SLC9A9: variants seen among roughly 807,000 people sequenced by gnomAD.
The protein encoded by SLC9A9 is sodium/hydrogen exchanger 9.
Under a neutral mutation model 77.8 loss-of-function variants are expected in SLC9A9, and 62 were observed. That is an observed-to-expected ratio of 0.80 (90% CI 0.65 to 0.98). The LOEUF (loss-of-function observed/expected upper bound fraction) is 0.98, where lower values mean the gene tolerates loss of function less well. Among genes scored for constraint, SLC9A9 ranks in the 50% least tolerant of loss-of-function variants. SLC9A9 has a pLI of 0.00. For missense variants in SLC9A9, 775 were observed against 774.9 expected, an observed-to-expected ratio of 1.00 and a Z score of 0.00; for synonymous variants, 320 against 283.5, an observed-to-expected ratio of 1.13 and a Z score of -1.29.
intron 13 of SLC9A9, among the ~76,000 whole-genome samples, chr3:143,376,435 C>T (rs2033181971): frequency 1.3e-5 from 2 of 152,208 alleles, no homozygotes; most frequent in African/African-American, 4.8e-5. Context: ...ATTCTTTGAA[C>T]TCCAATTTCA....
intron 14 of SLC9A9, among the ~76,000 whole-genome samples, chr3:143,344,281 TATCC>T (rs1268623708): frequency 3.3e-4 from 50 of 152,326 alleles, no homozygotes; most frequent in African/African-American, 1.2e-3. Context: ...AACAATTCAA[TATCC>T]TGATGCATAT....
chr3:143,562,367 G>T (rs1009105455), intron 8 of SLC9A9, among the ~76,000 whole-genome samples: 3 of 152,128 alleles, frequency 2.0e-5, no homozygotes, highest in African/African-American at 7.2e-5. Context: ...GGGAGTGCAG[G>T]TTCATGGGTA....
At chr3:143,782,239 G>T (rs1391984950) in intron 4 of SLC9A9, among the ~76,000 whole-genome samples, 1 of 152,280 alleles carries the variant, frequency 6.6e-6, no homozygotes, top group African/African-American at 2.4e-5. Context: ...GATTCCTATA[G>T]TCTGTCTGTA....
intron 4 of SLC9A9, among the ~76,000 whole-genome samples, chr3:143,766,556 G>A (rs149471586): frequency 6.6e-6 from 1 of 152,044 alleles, no homozygotes; most frequent in African/African-American, 2.4e-5. Context: ...GCTGTAGGTG[G>A]AGGGTAGGCT....
chr3:143,442,085 G>A (rs758750214), intron 12 of SLC9A9, among the ~76,000 whole-genome samples: 2 of 152,072 alleles, frequency 1.3e-5, no homozygotes, highest in Non-Finnish European at 2.9e-5. Flanking sequence ...AACCATTCTG[G>A]GTGGTTTGGC....
intron 3 of SLC9A9, 29 bp from the exon 4 acceptor site, chr3:143,795,106 G>T: frequency 1.3e-6 from 2 of 1,578,728 alleles, no homozygotes; most frequent in South Asian, 1.1e-5. Flanking sequence ...ATTTAATAGA[G>T]TACATCAGAA....
intron 15 of SLC9A9, 118 bp downstream of exon 15, chr3:143,268,757 A>AAAAAAC (rs1937808091): frequency 1.9e-6 from 1 of 525,304 alleles, no homozygotes; most frequent in Non-Finnish European, 3.5e-6. Context: ...AAAAAAAAAA[A>AAAAAAC]GCTTCCTCCT....
intron 4 of SLC9A9, among the ~76,000 whole-genome samples, chr3:143,722,470 C>T (rs1378892796): frequency 9.8e-4 from 13 of 13,330 alleles, no homozygotes; most frequent in Non-Finnish European, 1.5e-3. Flanking sequence ...GAGACTCCAT[C>T]TCAAAAAAAA....
intron 4 of SLC9A9, among the ~76,000 whole-genome samples, chr3:143,726,469 A>G (rs954735651): frequency 6.6e-6 from 1 of 152,194 alleles, no homozygotes. Context: ...ATACCTCAAT[A>G]AAGTTTGTTT....
intron 13 of SLC9A9, among the ~76,000 whole-genome samples, chr3:143,376,399 A>G (rs1022835381): frequency 9.2e-5 from 14 of 152,228 alleles, no homozygotes; most frequent in African/African-American, 3.4e-4. Context: ...TCAGCCCATC[A>G]CTGGTTTGTT....
At chr3:143,632,491 C>G (rs1480771503) in intron 6 of SLC9A9, among the ~76,000 whole-genome samples, 1 of 152,064 alleles carries the variant, frequency 6.6e-6, no homozygotes, top group Non-Finnish European at 1.5e-5. Flanking sequence ...ACCTACTGAC[C>G]CCGTCACTTC....
chr3:143,637,586 G>T (rs1375890671), intron 6 of SLC9A9, among the ~76,000 whole-genome samples: 2 of 152,054 alleles, frequency 1.3e-5, no homozygotes, highest in Non-Finnish European at 2.9e-5. Context: ...TATGCTTTGG[G>T]CTTTAGTTTT....
chr3:143,583,578 A>G (rs1337432926), intron 6 of SLC9A9, among the ~76,000 whole-genome samples: 1 of 152,232 alleles, frequency 6.6e-6, no homozygotes, highest in African/African-American at 2.4e-5. Flanking sequence ...TGCCTATGTG[A>G]ACTTGAGCAA....
intron 9 of SLC9A9, chr3:143,504,144 C>T (rs930322354): frequency 3.5e-5 from 15 of 429,436 alleles, no homozygotes; most frequent in South Asian, 2.9e-4. Context: ...ACATGTAGGC[C>T]ATGCAGTTGA....
chr3:143,620,999 C>T (rs934473541), intron 6 of SLC9A9, among the ~76,000 whole-genome samples: 1 of 152,178 alleles, frequency 6.6e-6, no homozygotes, highest in South Asian at 2.1e-4. Context: ...GTCCTATGCC[C>T]ATGGAGCCTC....
At chr3:143,578,174 G>A (rs2108662498) in intron 7 of SLC9A9, among the ~76,000 whole-genome samples, 1 of 152,290 alleles carries the variant, frequency 6.6e-6, no homozygotes, top group South Asian at 2.1e-4. Flanking sequence ...GAATAAGCCT[G>A]AAAAAGAGGC....
chr3:143,280,959 C>A (rs1009959149), intron 14 of SLC9A9, among the ~76,000 whole-genome samples: 2 of 152,190 alleles, frequency 1.3e-5, no homozygotes, highest in Non-Finnish European at 2.9e-5. Flanking sequence ...TATTCTGTTC[C>A]ATTCCATTTG....
chr3:143,308,268 A>G (rs961663521), intron 14 of SLC9A9, among the ~76,000 whole-genome samples: 2 of 152,014 alleles, frequency 1.3e-5, no homozygotes, highest in African/African-American at 4.8e-5. Context: ...GAAAATGGGG[A>G]CCCCTTGTTT....
At chr3:143,540,963 A>C (rs1437722124) in intron 9 of SLC9A9, among the ~76,000 whole-genome samples, 1 of 152,230 alleles carries the variant, frequency 6.6e-6, no homozygotes, top group Non-Finnish European at 1.5e-5. Flanking sequence ...CAGAAAACCT[A>C]AATATTCAAC....
Sources: allele counts gnomAD v4.1 joint callset (sites outside exome capture counted in the v4.1 genomes callset), GRCh38; gene constraint gnomAD v4.1.1; transcripts MANE v1.5; gene names NCBI Gene and HGNC (gene_info 2026-07-23, HGNC 2026-07-21).